Variants in CCDC146 observed in about 807,000 individuals in gnomAD.
The protein encoded by CCDC146 is coiled-coil domain-containing protein 146.
A neutral mutation model predicts 119.3 loss-of-function variants in CCDC146; 92 were observed. The ratio of observed to expected loss-of-function variants is 0.77; its 90% CI spans 0.65 to 0.92. The LOEUF (loss-of-function observed/expected upper bound fraction) is 0.92. Among genes scored for constraint, CCDC146 ranks in the 40% least tolerant of loss-of-function variants. The pLI is 0.00. For missense variants in CCDC146, 1,000 were observed against 1,103.0 expected, an observed-to-expected ratio of 0.91 and a Z score of 1.32; for synonymous variants, 372 against 371.8, an observed-to-expected ratio of 1.00 and a Z score of -0.01.
rs756621142 is a variant in CCDC146, at chr7:77,199,315, T to C, written c.156+31491T>C. 34 of 1,614,168 alleles carry C rather than the reference T, an allele frequency of 2.1e-5. No homozygotes were observed. In the Middle Eastern group the frequency reaches 4.9e-4, roughly 23 times the overall value. On this transcript the variant is annotated intron_variant, in intron 2 of 18. Coordinates refer to ENST00000285871, the MANE Select transcript of CCDC146 (RefSeq NM_020879.3). Reference sequence around the variant, plus strand: ...GTTGTTCATATTTACAAGATTCAGCTTCTCCAGGCGACCATGAAGTACATT... The same window carrying C: ...GTTGTTCATATTTACAAGATTCAGCCTCTCCAGGCGACCATGAAGTACATT...
chr7:77,224,435 GTACT>G (rs1224230717), intron 2 of CCDC146, among the ~76,000 whole-genome samples: 1 of 152,148 alleles, frequency 6.6e-6, no homozygotes, highest in African/African-American at 2.4e-5. Context: ...CTGCTTTGAA[GTACT>G]CACATGATTG....
chr7:77,149,083 C>T (rs914468934), intron 1 of CCDC146, among the ~76,000 whole-genome samples: 6 of 152,156 alleles, frequency 3.9e-5, no homozygotes, highest in African/African-American at 1.4e-4. Context: ...AACTATACTA[C>T]AAAGCTACAG....
intron 2 of CCDC146, among the ~76,000 whole-genome samples, chr7:77,183,068 T>G (rs751981324): frequency 2.0e-5 from 3 of 152,122 alleles, no homozygotes; most frequent in Non-Finnish European, 2.9e-5. Flanking sequence ...ATCTCCTTCA[T>G]GAAATGGAGG....
chr7:77,294,463 G>GGTGTGTGTGTGTGTGTGTGTGT (rs61323999), intron 18 of CCDC146, among the ~76,000 whole-genome samples, 200 bp from the exon 19 acceptor site: 11 of 134,232 alleles, frequency 8.2e-5, no homozygotes, highest in Admixed American at 1.5e-4. Context: ...ATGAGAGGTA[G>GGTGTGTGTGTGTGTGTGTGTGT]GTGTGTGTGT....
At chr7:77,238,928 T>C (rs1385839422) in intron 3 of CCDC146, among the ~76,000 whole-genome samples, 1 of 152,176 alleles carries the variant, frequency 6.6e-6, no homozygotes, top group East Asian at 1.9e-4. Context: ...GACCACTTAG[T>C]TCCCTCTAAT....
intron 1 of CCDC146, among the ~76,000 whole-genome samples, chr7:77,147,164 C>T (rs1164092420): frequency 6.6e-6 from 1 of 152,160 alleles, no homozygotes; most frequent in Non-Finnish European, 1.5e-5. Context: ...TTCATTTGAT[C>T]TTCAATCACT....
At chr7:77,130,560 ACCCAGAG>A (rs1790766668) in intron 1 of CCDC146, among the ~76,000 whole-genome samples, 1 of 150,602 alleles carries the variant, frequency 6.6e-6, no homozygotes, top group Non-Finnish European at 1.5e-5. Flanking sequence ...TTTTAACAGG[ACCCAGAG>A]CTTCATAGCC....
At chr7:77,217,653 T>C (rs1792325765) in intron 2 of CCDC146, among the ~76,000 whole-genome samples, 1 of 151,952 alleles carries the variant, frequency 6.6e-6, no homozygotes, top group Non-Finnish European at 1.5e-5. Flanking sequence ...AGAAAAACAT[T>C]GTTAGACTAT....
chr7:77,155,295 C>A (rs1260883540), intron 1 of CCDC146, among the ~76,000 whole-genome samples: 1 of 152,060 alleles, frequency 6.6e-6, no homozygotes, highest in Non-Finnish European at 1.5e-5. Flanking sequence ...CTCAGCCTTG[C>A]CACCTCATGG....
At position 77,145,476 on chromosome 7, in the gene CCDC146, C is replaced by T. The variant is rs1791001855; in HGVS notation, c.-11-22182C>T. On this transcript the variant is annotated intron_variant, in intron 1 of 18. Coordinates refer to ENST00000285871, the MANE Select transcript of CCDC146 (RefSeq NM_020879.3). ...TTCTGCTAGCTTTTGAATGTGTTTG[C>T]TCTTGCTTCTCTAGTTCTTTTAATT... Among the ~76,000 whole-genome samples the T allele has an allele frequency of 3.3e-5, 5 of 151,808 alleles. No homozygotes were observed. The East Asian group carries it at 5.8e-4, about 18-fold the overall frequency.
intron 4 of CCDC146, among the ~76,000 whole-genome samples, chr7:77,246,144 A>G (rs930774334): frequency 6.6e-6 from 1 of 152,168 alleles, no homozygotes; most frequent in Non-Finnish European, 1.5e-5. Flanking sequence ...CTGACTGGTC[A>G]GTCACCAGAG....
chr7:77,280,643 C>T lies in CCDC146; in HGVS notation c.1909C>T (p.Arg637Ter), dbSNP rs769331873. 13 of 1,609,588 alleles carry T rather than the reference C, an allele frequency of 8.1e-6. 1 individual carries two copies. The highest frequency in any genetic ancestry group is 6.7e-5 in the South Asian group (6 of 90,152). Reference protein sequence around the residue: ...RKRYEKAVQHRNESGVQLIER... With the variant: ...RKRYEKAVQH ...AAGATACGAAAAAGCTGTTCAGCATCGAAATGAAAGGTAAAAACCAGGTGT... is the reference window on the plus strand; with the variant it reads ...AAGATACGAAAAAGCTGTTCAGCATTGAAATGAAAGGTAAAAACCAGGTGT... Residue 637 changes from arginine to a stop codon, truncating the protein, a stop_gained, in exon 14 of 19, where the codon CGA becomes TGA. Coordinates refer to ENST00000285871, the MANE Select transcript of CCDC146 (RefSeq NM_020879.3). LOFTEE classifies it high-confidence loss of function.
chr7:77,170,271 C>T (rs1474763944), intron 2 of CCDC146, among the ~76,000 whole-genome samples: 1 of 152,126 alleles, frequency 6.6e-6, no homozygotes, highest in African/African-American at 2.4e-5. Flanking sequence ...GGATTGTGGT[C>T]TCCAGCTCTT....
At chr7:77,199,119 T>C (rs1791929898) in intron 2 of CCDC146, 2 of 1,413,838 alleles carry the variant, frequency 1.4e-6, no homozygotes, top group Admixed American at 2.0e-5. Flanking sequence ...TTAATGTTTA[T>C]AGATACTCTC....
chr7:77,143,697 G>C (rs953539994), intron 1 of CCDC146, among the ~76,000 whole-genome samples: 1 of 151,618 alleles, frequency 6.6e-6, no homozygotes, highest in Non-Finnish European at 1.5e-5. Flanking sequence ...TGCTTGTTTT[G>C]TCAGTTTTGT....
chr7:77,249,281 A>T (rs1447436253), intron 4 of CCDC146, among the ~76,000 whole-genome samples: 2 of 152,134 alleles, frequency 1.3e-5, no homozygotes, highest in African/African-American at 4.8e-5. Flanking sequence ...CACGAAGTCG[A>T]GATCAAGACC....
intron 3 of CCDC146, 55 bp downstream of exon 3, chr7:77,237,084 G>A: frequency 1.4e-6 from 2 of 1,392,308 alleles, no homozygotes; most frequent in Non-Finnish European, 2.0e-6. Context: ...TTTCTTACTG[G>A]TGATGAGACC....
intron 2 of CCDC146, among the ~76,000 whole-genome samples, chr7:77,185,643 C>A (rs1208693656): frequency 1.3e-5 from 2 of 152,224 alleles, no homozygotes; most frequent in Non-Finnish European, 2.9e-5. Context: ...CAAGCCCAGA[C>A]TGCGAAGACT....
rs1443775804 is a variant in CCDC146, at chr7:77,282,688, T to C, written c.2051T>C (p.Met684Thr). Residue 684 changes from methionine to threonine, a missense_variant, in exon 15 of 19, where the codon ATG (methionine) becomes ACG (threonine). Coordinates refer to ENST00000285871, the MANE Select transcript of CCDC146 (RefSeq NM_020879.3). ...LLEEKIQFLK[M>T]KIAEKQRQIC... ...GAAGAAAAGATCCAATTCCTGAAAA[T>C]GAAGATTGCTGAGAAGCAAAGACAA... 5 of 1,613,972 alleles carry C rather than the reference T, an allele frequency of 3.1e-6. No homozygotes were observed. Among genetic ancestry groups the C allele is most frequent in the Admixed American group, 3.3e-5 (2 of 59,998 alleles).
Sources: allele counts gnomAD v4.1 joint callset (sites outside exome capture counted in the v4.1 genomes callset), GRCh38; gene constraint gnomAD v4.1.1; transcripts MANE v1.5; gene names NCBI Gene and HGNC (gene_info 2026-07-23, HGNC 2026-07-21).